AZIN2: variants seen among roughly 807,000 people sequenced by gnomAD.
AZIN2 encodes the protein ODC antizyme inhibitor-2.
A neutral mutation model predicts 47.8 loss-of-function variants in AZIN2; 28 were observed. That is an observed-to-expected ratio of 0.59 (90% CI 0.43 to 0.80). AZIN2 has a LOEUF of 0.80. Among genes scored for constraint, AZIN2 ranks in the 30% least tolerant of loss-of-function variants. The pLI is 0.00. For missense variants in AZIN2, 535 were observed against 582.5 expected, an observed-to-expected ratio of 0.92 and a Z score of 0.84; for synonymous variants, 221 against 239.4, an observed-to-expected ratio of 0.92 and a Z score of 0.71.
rs1641293363 is a variant in AZIN2, at chr1:33,081,828, A to C, written c.-73+16A>C. The C allele has an allele frequency of 3.7e-6, 1 of 268,982 alleles. No homozygotes were observed. The highest frequency in any genetic ancestry group is 7.3e-6 in the Non-Finnish European group (1 of 136,676). 16.7% of individuals were successfully genotyped at this position (268,982 alleles called of 1,614,324 possible). A position where few individuals can be genotyped will look rare whatever the true frequency, so the allele number is the denominator to read the frequency against. ...TACCCTCTAGGTGGGCGTGGTCAAG[A>C]CTGGGGGCGCCCTGGAAACTTCCCC... On this transcript the variant is annotated intron_variant, in intron 3 of 11. Coordinates refer to ENST00000294517, the MANE Select transcript of AZIN2 (RefSeq NM_052998.4). This position sits in a 1 kb window ranked among gnomAD's most constrained non-coding sequence, Gnocchi z 4.2.
chr1:33,094,397 G>C, intron 7 of AZIN2, 151 bp from the exon 8 acceptor site: 1 of 805,294 alleles, frequency 1.2e-6, no homozygotes, highest in Non-Finnish European at 1.9e-6. Flanking sequence ...ATGGCCCTTG[G>C]CAACCCATTG....
chr1:33,144,038 GT>G, the AZIN2 span, among the ~76,000 whole-genome samples: 1 of 152,164 alleles, frequency 6.6e-6, no homozygotes, highest in African/African-American at 2.4e-5. Context: ...ACAGAAGATA[GT>G]GTCTGATGGC....
intron 10 of AZIN2, among the ~76,000 whole-genome samples, chr1:33,104,546 A>G (rs1643905304): frequency 6.6e-6 from 1 of 150,690 alleles, no homozygotes; most frequent in Non-Finnish European, 1.5e-5. Context: ...TTTATTACAT[A>G]TATATATATA....
the AZIN2 span, among the ~76,000 whole-genome samples, chr1:33,135,981 C>T: frequency 2.6e-5 from 4 of 151,734 alleles, no homozygotes; most frequent in African/African-American, 9.7e-5. Context: ...TGGGACTTGC[C>T]CAAAGCCAAT....
chr1:33,107,879 A>G lies in AZIN2; in HGVS notation c.1029+9700A>G, dbSNP rs555141282. On this transcript the variant is annotated intron_variant, in intron 10 of 11. Transcript: ENST00000294517. The stretch of plus-strand genomic sequence containing the variant: ...ATGTTTGTGAATTGGAAGAATTAAT[A>G]CTGTTAAAATGTCCATACTACCCAA... Among the ~76,000 whole-genome samples, 14 of 152,294 alleles carry G rather than the reference A, an allele frequency of 9.2e-5. No individual in the cohort carries two copies. In the South Asian group the frequency reaches 2.7e-3, roughly 29 times the overall value.
At chr1:33,128,868 A>T in the AZIN2 span, among the ~76,000 whole-genome samples, 4 of 152,234 alleles carry the variant, frequency 2.6e-5, no homozygotes, top group Non-Finnish European at 5.9e-5. Flanking sequence ...ATCTTTTCAG[A>T]TATCCAAGTG....
chr1:33,122,890 C>T lies in AZIN2; in HGVS notation c.*2708C>T, dbSNP rs764436623. 1.3e-5 allele frequency among the ~76,000 whole-genome samples: 2 copies of T among 152,180 alleles called. No homozygotes were observed. Among genetic ancestry groups the T allele is most frequent in the African/African-American group, 2.4e-5 (1 of 41,436 alleles). ...ATACTCAGGACTGGCCCCTTCTTCC[C>T]CTTTCCCCTCCACAGTCCATCCTCC... On this transcript the variant is annotated 3_prime_UTR_variant, in exon 12 of 12. Transcript: ENST00000294517.
rs563022136 is a variant in AZIN2, at chr1:33,115,238, T to C, written c.1030-2664T>C. 4.5e-4 allele frequency among the ~76,000 whole-genome samples: 68 copies of C among 152,258 alleles called. 1 individual carries two copies. Among genetic ancestry groups the C allele is most frequent in the African/African-American group, 1.6e-3 (66 of 41,538 alleles). Reference sequence around the variant, plus strand: ...GGTATGAAGTGGTGGTGGTATGCTTTGTAAATGAGGAACCCCCTGCCCTCT... The same window carrying C: ...GGTATGAAGTGGTGGTGGTATGCTTCGTAAATGAGGAACCCCCTGCCCTCT... On this transcript the variant is annotated intron_variant, in intron 10 of 11. Transcript: ENST00000294517.
the AZIN2 span, among the ~76,000 whole-genome samples, chr1:33,155,315 G>A: frequency 1.1e-4 from 16 of 151,784 alleles, no homozygotes; most frequent in Admixed American, 2.6e-4. Context: ...CAAGTGATCC[G>A]CCTGCCTTGC....
chr1:33,128,946 G>A, the AZIN2 span, among the ~76,000 whole-genome samples: 1 of 152,228 alleles, frequency 6.6e-6, no homozygotes, highest in Admixed American at 6.5e-5. Flanking sequence ...AGGGAGGTCT[G>A]ATTAGGGATA....
At chr1:33,158,717 GTTA>G in the AZIN2 span, among the ~76,000 whole-genome samples, 1 of 152,230 alleles carries the variant, frequency 6.6e-6, no homozygotes, top group Non-Finnish European at 1.5e-5. Context: ...ATGACTAAGT[GTTA>G]TTACTACTAA....
At chr1:33,100,562 C>T (rs1449434929) in intron 10 of AZIN2, among the ~76,000 whole-genome samples, 1 of 148,042 alleles carries the variant, frequency 6.8e-6, no homozygotes, top group Non-Finnish European at 1.5e-5. Flanking sequence ...TGGATAGAAA[C>T]ACGTGTGTGT....
At chr1:33,100,906 G>A (rs1643631184) in intron 10 of AZIN2, among the ~76,000 whole-genome samples, 1 of 151,892 alleles carries the variant, frequency 6.6e-6, no homozygotes, top group Non-Finnish European at 1.5e-5. Context: ...CTGTTGCCTA[G>A]GCTAGAGTTC....
chr1:33,158,232 C>T, the AZIN2 span: 1 of 1,605,712 alleles, frequency 6.2e-7, no homozygotes, highest in Non-Finnish European at 8.5e-7. Context: ...TAGCTCTGGA[C>T]CATGATAACC....
At chr1:33,100,480 T>C (rs1643594110) in intron 10 of AZIN2, among the ~76,000 whole-genome samples, 1 of 152,124 alleles carries the variant, frequency 6.6e-6, no homozygotes, top group Non-Finnish European at 1.5e-5. Context: ...CTCAAAGCAG[T>C]ACTCTCAATA....
chr1:33,149,004 T>A, the AZIN2 span, among the ~76,000 whole-genome samples: 1 of 152,196 alleles, frequency 6.6e-6, no homozygotes, highest in Admixed American at 6.5e-5. Flanking sequence ...CCAAAGCCTC[T>A]GCTTACACGG....
chr1:33,109,580 C>T (rs1241546495), intron 10 of AZIN2, among the ~76,000 whole-genome samples: 1 of 152,042 alleles, frequency 6.6e-6, no homozygotes, highest in Non-Finnish European at 1.5e-5. Context: ...CTGCCTGCCT[C>T]GACCTCCCAA....
At position 33,121,511 on chromosome 1, in the gene AZIN2, G is replaced by C. The variant is rs182039129; in HGVS notation, c.*1329G>C. ...AGGGAGGTGGAGGTCGCAGTGAGCC[G>C]AGGTTGCAGTGAGCCGAGATTGCAC... On this transcript the variant is annotated 3_prime_UTR_variant, in exon 12 of 12. Coordinates refer to ENST00000294517, the MANE Select transcript of AZIN2 (RefSeq NM_052998.4). 2.0e-5 allele frequency among the ~76,000 whole-genome samples: 3 copies of C among 152,178 alleles called. No homozygotes were observed. Among genetic ancestry groups the C allele is most frequent in the African/African-American group, 4.8e-5 (2 of 41,434 alleles).
chr1:33,147,315 G>A, the AZIN2 span: 1 of 1,613,988 alleles, frequency 6.2e-7, no homozygotes, highest in African/African-American at 1.3e-5. This position sits in a 1 kb window ranked among gnomAD's most constrained non-coding sequence, Gnocchi z 8.1. Context: ...CATCAGCATT[G>A]TAGAAGATGA....
Sources: allele counts gnomAD v4.1 joint callset (sites outside exome capture counted in the v4.1 genomes callset), GRCh38; gene constraint gnomAD v4.1.1; non-coding constraint Gnocchi (gnomAD v3.1); transcripts MANE v1.5; gene names NCBI Gene and HGNC (gene_info 2026-07-23, HGNC 2026-07-21).